Variants in TSHZ3 observed in about 807,000 individuals in gnomAD.
TSHZ3 encodes the protein teashirt zinc finger homeobox 3.
TSHZ3 carries 10 observed loss-of-function variants against 64.5 expected under a neutral mutation model. The ratio of observed to expected loss-of-function variants is 0.16; its 90% CI spans 0.10 to 0.26. TSHZ3 has a LOEUF of 0.26. Among genes scored for constraint, TSHZ3 ranks in the 10% least tolerant of loss-of-function variants. The probability of loss-of-function intolerance (pLI) is 1.00; values close to 1 mark genes in which losing one functional copy is unlikely to be tolerated. For missense variants in TSHZ3, 1,242 were observed against 1,421.7 expected (o/e 0.87, Z 2.03); for synonymous variants, 608 against 593.1 (o/e 1.03, Z -0.36).
chr19:31,177,246 A>G (rs1426792706), intron 5 of TSHZ3, among the ~76,000 whole-genome samples: 1 of 152,196 alleles, frequency 6.6e-6, no homozygotes, highest in Non-Finnish European at 1.5e-5. Flanking sequence ...CTGTATTTCA[A>G]ATTAAACATT....
At position 31,188,466 on chromosome 19, in the gene TSHZ3, T is replaced by C. The variant is rs78545492; in HGVS notation, n.809+16490A>G. 2.6e-4 allele frequency among the ~76,000 whole-genome samples: 39 copies of C among 152,154 alleles called. No individual in the cohort carries two copies. The East Asian group carries it at 7.3e-3, about 29-fold the overall frequency. ...CTTGTTTTTGATATTAGGGGAACTCTATCAGATTGAGAAATGTTCCTTCTA... is the reference window on the plus strand; with the variant it reads ...CTTGTTTTTGATATTAGGGGAACTCCATCAGATTGAGAAATGTTCCTTCTA... On this transcript the variant is annotated intron_variant and non_coding_transcript_variant, in intron 5 of 6. Transcript: ENST00000651361.
chr19:31,190,933 C>G (rs796256278), intron 5 of TSHZ3, among the ~76,000 whole-genome samples: 1 of 151,768 alleles, frequency 6.6e-6, no homozygotes, highest in African/African-American at 2.4e-5. Flanking sequence ...TCACTGGATG[C>G]AATTAATAGC....
chr19:31,295,349 G>A (rs1421240044), intron 1 of TSHZ3, among the ~76,000 whole-genome samples: 1 of 152,130 alleles, frequency 6.6e-6, no homozygotes, highest in African/African-American at 2.4e-5. Context: ...CAAAAGACCT[G>A]TACGCTGATA....
chr19:31,249,301 C>G (rs1358388390), intron 1 of TSHZ3, among the ~76,000 whole-genome samples: 1 of 152,198 alleles, frequency 6.6e-6, no homozygotes, highest in African/African-American at 2.4e-5. Flanking sequence ...CAGGATAGCC[C>G]ACCCAACGCT....
intron 1 of TSHZ3, among the ~76,000 whole-genome samples, chr19:31,337,065 A>C (rs965584736): frequency 1.5e-5 from 2 of 135,636 alleles, no homozygotes; most frequent in Non-Finnish European, 3.1e-5. Context: ...TGCAAGGGTC[A>C]TATCTTTTTA....
chr19:31,313,859 CG>C (rs1197282360), intron 1 of TSHZ3, among the ~76,000 whole-genome samples: 1 of 152,174 alleles, frequency 6.6e-6, no homozygotes, highest in Non-Finnish European at 1.5e-5. Context: ...ACTGAGAGTC[CG>C]GGTACCTGCA....
chr19:31,341,073 C>A, intron 1 of TSHZ3, among the ~76,000 whole-genome samples: 1 of 152,202 alleles, frequency 6.6e-6, no homozygotes, highest in Admixed American at 6.5e-5. Context: ...GGGGAAGGCA[C>A]GTGGAAACTG....
chr19:31,269,860 C>G (rs1289391255), intron 1 of TSHZ3, among the ~76,000 whole-genome samples: 1 of 152,220 alleles, frequency 6.6e-6, no homozygotes. Flanking sequence ...GGACAGAGGC[C>G]TAATGGGGTC....
At chr19:31,267,098 C>T (rs1015447530) in intron 1 of TSHZ3, among the ~76,000 whole-genome samples, 1 of 152,232 alleles carries the variant, frequency 6.6e-6, no homozygotes, top group Non-Finnish European at 1.5e-5. Flanking sequence ...GGACTACATA[C>T]ATGTCTCCTC....
chr19:31,176,603 A>G (rs1974609876), intron 5 of TSHZ3, among the ~76,000 whole-genome samples: 3 of 152,142 alleles, frequency 2.0e-5, no homozygotes, highest in African/African-American at 7.2e-5. Context: ...AGACTGGGCA[A>G]CATAGCAAGA....
chr19:31,251,955 GGT>G (rs1425866405), intron 1 of TSHZ3, among the ~76,000 whole-genome samples: 1 of 152,152 alleles, frequency 6.6e-6, no homozygotes, highest in Non-Finnish European at 1.5e-5. Context: ...CTGGAGCTCG[GGT>G]GGTTTCCCAG....
intron 5 of TSHZ3, among the ~76,000 whole-genome samples, chr19:31,164,933 G>A (rs1974424309): frequency 6.6e-6 from 1 of 152,220 alleles, no homozygotes; most frequent in Non-Finnish European, 1.5e-5. Context: ...AGACCCCAGA[G>A]AGCAGTAATT....
At chr19:31,187,114 C>G (rs1974823526) in intron 5 of TSHZ3, among the ~76,000 whole-genome samples, 1 of 152,164 alleles carries the variant, frequency 6.6e-6, no homozygotes, top group African/African-American at 2.4e-5. Context: ...AATCAGGACA[C>G]AGAGCATTTG....
chr19:31,349,557 T>G, upstream of TSHZ3: 1 of 200,792 alleles, frequency 5.0e-6, no homozygotes, highest in Non-Finnish European at 9.5e-6. Flanking sequence ...GTTTGACAAA[T>G]CGCTCCAGAG....
chr19:31,213,843 C>T (rs1975292489), intron 4 of TSHZ3, among the ~76,000 whole-genome samples: 1 of 152,224 alleles, frequency 6.6e-6, no homozygotes, highest in Non-Finnish European at 1.5e-5. Flanking sequence ...TAGAATAAGT[C>T]TACACTCTTT....
chr19:31,317,490 C>T (rs1044644281), intron 1 of TSHZ3, among the ~76,000 whole-genome samples: 5 of 152,204 alleles, frequency 3.3e-5, no homozygotes, highest in East Asian at 1.9e-4. Flanking sequence ...TCCTTATGTC[C>T]TCACCCCAAA....
At chr19:31,284,730 C>T (rs577780713) in intron 1 of TSHZ3, among the ~76,000 whole-genome samples, 1 of 152,328 alleles carries the variant, frequency 6.6e-6, no homozygotes, top group South Asian at 2.1e-4. Flanking sequence ...ATGGGGATCA[C>T]TTGTGTATGG....
Position 31,317,234 on chromosome 19 carries a change from G to A in TSHZ3, c.40+31946C>T, listed in dbSNP as rs377055279. ...CCCAGCCCCAGCCAGAGCCACAGCTGCCTAGGAGGGAAGCATTAAAACGCT... is the reference window on the plus strand; with the variant it reads ...CCCAGCCCCAGCCAGAGCCACAGCTACCTAGGAGGGAAGCATTAAAACGCT... On this transcript the variant is annotated intron_variant, in intron 1 of 1. Coordinates refer to ENST00000240587, the MANE Select transcript of TSHZ3 (RefSeq NM_020856.4). Among the ~76,000 whole-genome samples the A allele has an allele frequency of 5.9e-5, 9 of 152,220 alleles. No homozygotes were observed. In the South Asian group the frequency reaches 1.2e-3, roughly 21 times the overall value.
intron 1 of TSHZ3, among the ~76,000 whole-genome samples, chr19:31,281,366 A>T (rs1976358836): frequency 6.6e-6 from 1 of 152,166 alleles, no homozygotes; most frequent in Non-Finnish European, 1.5e-5. Context: ...CAAGATTCCT[A>T]AGCCAAGACA....
Sources: gnomAD v4.1 joint callset for allele counts (sites outside exome capture counted in the v4.1 genomes callset) on GRCh38, gnomAD v4.1.1 for gene constraint, MANE v1.5 for transcripts, NCBI Gene and HGNC (gene_info 2026-07-23, HGNC 2026-07-21) for gene names.